Variants in ELFN1 observed in about 807,000 individuals in gnomAD.
ELFN1 encodes the protein protein ELFN1.
Under a neutral mutation model 7.6 loss-of-function variants are expected in ELFN1, and 6 were observed. The observed-to-expected ratio is 0.79, with a 90% CI of 0.43 to 1.56. ELFN1 has a LOEUF of 1.56. Ranked by LOEUF, ELFN1 falls within the 40% of genes most tolerant of loss-of-function variation. The pLI, the probability that ELFN1 is intolerant of heterozygous loss-of-function variation, is 0.01. For synonymous variants in ELFN1, 657 were observed against 588.1 expected, an observed-to-expected ratio of 1.12 and a Z score of -1.70; for missense variants, 1,169 against 1,232.2, an observed-to-expected ratio of 0.95 and a Z score of 0.77.
chr7:1,693,099 T>C, intron 2 of ELFN1: 2 of 332,876 alleles, frequency 6.0e-6, no homozygotes, highest in South Asian at 4.9e-5. Context: ...TGGCCCGTCC[T>C]TCACCCTCCT....
At chr7:1,685,137 T>C (rs551744677) in intron 1 of ELFN1, among the ~76,000 whole-genome samples, 1 of 152,354 alleles carries the variant, frequency 6.6e-6, no homozygotes, top group East Asian at 1.9e-4. Flanking sequence ...ATTTTGAATA[T>C]GCCATTCCAC....
intron 1 of ELFN1, among the ~76,000 whole-genome samples, chr7:1,678,523 G>C (rs1276052448): frequency 6.6e-6 from 1 of 152,182 alleles, no homozygotes; most frequent in Non-Finnish European, 1.5e-5. Context: ...CGGCTCACAT[G>C]TGCCAGAACC....
intron 3 of ELFN1, among the ~76,000 whole-genome samples, chr7:1,724,708 C>T (rs1176153818): frequency 6.6e-6 from 1 of 151,376 alleles, no homozygotes; most frequent in African/African-American, 2.5e-5. Flanking sequence ...ATGAACGCGA[C>T]TCCCCCCAGG....
In ELFN1 at chr7:1,672,418, C is replaced by T. The variant is rs569833030; in HGVS notation, c.-549+2064C>T. On this transcript the variant is annotated intron_variant, in intron 1 of 3. Transcript: ENST00000424383. ...AACAGGTGTCCGGGGTCCCAGCAAG[C>T]GCCCAGGGCCAGAGCCTGGAGTAGT... Among the ~76,000 whole-genome samples, 543 of 152,208 alleles carry T rather than the reference C, an allele frequency of 3.6e-3. 3 individuals are homozygous for T. Among genetic ancestry groups the T allele is most frequent in the African/African-American group, 0.012 (502 of 41,510 alleles).
intron 2 of ELFN1, among the ~76,000 whole-genome samples, chr7:1,696,856 G>A (rs1039070175): frequency 1.3e-5 from 2 of 152,188 alleles, no homozygotes; most frequent in South Asian, 2.1e-4. Flanking sequence ...TTCAGCCCAC[G>A]GCACTGCCCT....
intron 3 of ELFN1, among the ~76,000 whole-genome samples, chr7:1,736,402 T>C (rs1562385239): frequency 6.6e-6 from 1 of 152,158 alleles, no homozygotes. Flanking sequence ...GTTTAAATGA[T>C]CGAGACGAGG....
intron 3 of ELFN1, among the ~76,000 whole-genome samples, chr7:1,714,431 C>G (rs1384824811): frequency 6.6e-6 from 1 of 152,218 alleles, no homozygotes; most frequent in Non-Finnish European, 1.5e-5. Context: ...CCGCCTTCCT[C>G]TAAATCCATT....
chr7:1,700,177 A>T (rs1358172826), intron 2 of ELFN1, among the ~76,000 whole-genome samples: 2 of 151,992 alleles, frequency 1.3e-5, no homozygotes, highest in Non-Finnish European at 2.9e-5. Context: ...AGCCCTGTGG[A>T]GGTGTAGACT....
chr7:1,699,635 C>A (rs1197090545), intron 2 of ELFN1, among the ~76,000 whole-genome samples: 2 of 152,014 alleles, frequency 1.3e-5, no homozygotes, highest in Non-Finnish European at 2.9e-5. Context: ...AGCAAGACTC[C>A]ATCATAAATA....
At chr7:1,734,697 CTTTTTTTTTCTT>C (rs1449940446) in intron 3 of ELFN1, among the ~76,000 whole-genome samples, 1 of 150,696 alleles carries the variant, frequency 6.6e-6, no homozygotes, top group Non-Finnish European at 1.5e-5. Flanking sequence ...TGCATTTTCA[CTTTTTTTTTCTT>C]TTTTTTTTTT....
chr7:1,728,681 C>A (rs926455375), intron 3 of ELFN1, among the ~76,000 whole-genome samples: 3 of 152,234 alleles, frequency 2.0e-5, no homozygotes, highest in African/African-American at 7.2e-5. Context: ...ACGTTCCCCC[C>A]TCCAGGAACC....
At chr7:1,677,317 G>T (rs1778890116) in intron 1 of ELFN1, among the ~76,000 whole-genome samples, 1 of 152,182 alleles carries the variant, frequency 6.6e-6, no homozygotes, top group African/African-American at 2.4e-5. Context: ...ACCCCTCAGG[G>T]TGCCCACAGA....
chr7:1,723,684 G>C (rs538193233), intron 3 of ELFN1, among the ~76,000 whole-genome samples: 3 of 152,122 alleles, frequency 2.0e-5, no homozygotes, highest in Non-Finnish European at 4.4e-5. Context: ...CGTGGGCCAC[G>C]AGCATCTTTG....
intron 3 of ELFN1, among the ~76,000 whole-genome samples, chr7:1,712,262 C>A (rs1034379916): frequency 6.6e-6 from 1 of 152,156 alleles, no homozygotes; most frequent in African/African-American, 2.4e-5. Context: ...GCTGGGACTA[C>A]AGGCACCCGC....
upstream of ELFN1, among the ~76,000 whole-genome samples, chr7:1,668,420 G>C (rs916990557): frequency 1.3e-5 from 2 of 152,252 alleles, no homozygotes; most frequent in African/African-American, 4.8e-5. Context: ...GCACAGGCCT[G>C]GGGGAACCTG....
chr7:1,709,265 C>G lies in ELFN1; in HGVS notation c.-294+13C>G, dbSNP rs530313764. On this transcript the variant is annotated intron_variant, in intron 3 of 3. Transcript: ENST00000424383. ...CCCTGACACACAAGTAAGGCATGCT[C>G]TTGTTCCTCATGCTCTCCGCAGGGG... is the stretch of plus-strand genomic sequence containing the variant. 1.3e-5 allele frequency: 2 copies of G among 152,414 alleles called. No homozygotes were observed. Among genetic ancestry groups the G allele is most frequent in the Admixed American group, 6.5e-5 (1 of 15,306 alleles). The allele number at this position is 152,414 out of a possible 1,614,324, so 9.4% of individuals were successfully genotyped here.
At chr7:1,693,322 C>T (rs1053754151) in intron 2 of ELFN1, 1 of 459,556 alleles carries the variant, frequency 2.2e-6, no homozygotes, top group African/African-American at 2.0e-5. Context: ...CAGAAAGTGC[C>T]CGATTCCAAG....
rs1778745174 is a variant in ELFN1, at chr7:1,670,586, A to AGCCCGGGG, written c.-549+240_-549+247dup. ...AGCGGGCGCAGGCTCAGCCCGACAA[A>AGCCCGGGG]GCCCGGGGGCCCGGGTCGGGGTCGC... is the stretch of plus-strand genomic sequence containing the variant. On this transcript the variant is annotated intron_variant, in intron 1 of 3. Transcript: ENST00000424383. This position sits in a 1 kb window ranked among gnomAD's most constrained non-coding sequence, Gnocchi z 6.4. 6.6e-6 allele frequency among the ~76,000 whole-genome samples: 1 copy of AGCCCGGGG among 152,022 alleles called. No homozygotes were observed. The highest frequency in any genetic ancestry group is 2.4e-5 in the African/African-American group (1 of 41,406).
At chr7:1,712,200 T>G (rs1583348382) in intron 3 of ELFN1, among the ~76,000 whole-genome samples, 1 of 152,252 alleles carries the variant, frequency 6.6e-6, no homozygotes, top group Admixed American at 6.5e-5. Context: ...TTTCTTTTCT[T>G]TGAGAAGGAG....
Sources: gnomAD v4.1 joint callset for allele counts (sites outside exome capture counted in the v4.1 genomes callset) on GRCh38, gnomAD v4.1.1 for gene constraint, Gnocchi (gnomAD v3.1) non-coding constraint, MANE v1.5 for transcripts, NCBI Gene and HGNC (gene_info 2026-07-23, HGNC 2026-07-21) for gene names.